TTBK2: variants seen among roughly 807,000 people sequenced by gnomAD.
TTBK2 encodes tau tubulin kinase 2, also known as tau-tubulin kinase 2.
Under a neutral mutation model 110.8 loss-of-function variants are expected in TTBK2, and 28 were observed. The observed-to-expected ratio is 0.25, with a 90% CI of 0.19 to 0.35. The LOEUF (loss-of-function observed/expected upper bound fraction) is 0.35, where lower values mean the gene tolerates loss of function less well. Among genes scored for constraint, TTBK2 ranks in the 10% least tolerant of loss-of-function variants. TTBK2 has a pLI of 1.00. For synonymous variants in TTBK2, 532 were observed against 527.3 expected (o/e 1.01, Z -0.12); for missense variants, 1,369 against 1,500.3 (o/e 0.91, Z 1.45).
intron 3 of TTBK2, among the ~76,000 whole-genome samples, chr15:42,870,122 C>T (rs1264175103): frequency 1.3e-5 from 2 of 151,650 alleles, no homozygotes; most frequent in South Asian, 2.1e-4. Flanking sequence ...TGCAGTGAGC[C>T]GATATTGTGC....
intron 11 of TTBK2, among the ~76,000 whole-genome samples, chr15:42,779,365 C>T (rs1335683869): frequency 1.3e-5 from 2 of 149,454 alleles, no homozygotes; most frequent in Admixed American, 6.7e-5. Flanking sequence ...GCTGAGATTG[C>T]GCCACTGCAC....
At chr15:42,761,826 A>G (rs1251243076) in intron 13 of TTBK2, among the ~76,000 whole-genome samples, 2 of 152,146 alleles carry the variant, frequency 1.3e-5, no homozygotes, top group Admixed American at 6.5e-5. Flanking sequence ...AGAAAAGAGA[A>G]CTCTCAAATA....
chr15:42,830,003 T>C lies in TTBK2; in HGVS notation c.367A>G (p.Arg123Gly). 1.2e-6 allele frequency: 2 copies of C among 1,614,136 alleles called. No individual in the cohort carries two copies. The highest frequency in any genetic ancestry group is 1.7e-6 in the Non-Finnish European group (2 of 1,180,020). ...CTTTCAATAGACTCCAAAATCTGTC[T>C]ACCCAGCCGGAGAGTGGTACTAATG... ...FTISTTLRLG[R>G]QILESIESIH... is the part of the protein sequence containing the mutation. The change falls in exon 5 of 15, where the codon AGA becomes GGA. Residue 123 changes from arginine (R) to glycine (G), a missense_variant. Physicochemically the swap from Arg to Gly is moderately radical, Grantham distance 125 (BLOSUM62 -2). Coordinates refer to ENST00000267890, the MANE Select transcript of TTBK2 (RefSeq NM_173500.4).
intron 5 of TTBK2, among the ~76,000 whole-genome samples, chr15:42,829,307 A>T (rs1892656119): frequency 6.6e-6 from 1 of 152,208 alleles, no homozygotes; most frequent in Non-Finnish European, 1.5e-5. Flanking sequence ...ACCCCACTAT[A>T]TTTCCACAGT....
chr15:42,891,516 C>T (rs1052750031), intron 1 of TTBK2, among the ~76,000 whole-genome samples: 1 of 151,208 alleles, frequency 6.6e-6, no homozygotes, highest in Non-Finnish European at 1.5e-5. Context: ...TTAAATTCAG[C>T]TGGATAAAAA....
chr15:42,741,227 A>C lies in TTBK2; in HGVS notation c.*4568T>G, dbSNP rs1005201586. The C allele has an allele frequency of 6.6e-6, 1 of 152,170 alleles. No individual in the cohort carries two copies. The highest frequency in any genetic ancestry group is 1.9e-4 in the East Asian group (1 of 5,206). The allele number at this position is 152,170 out of a possible 1,614,324, so 9.4% of individuals were successfully genotyped here. Reference sequence around the variant, plus strand: ...CACCAGAGTTCCACTGGGTGAGGACAGGGAAGTAGGATGTCCCAACACCCT... The same window carrying C: ...CACCAGAGTTCCACTGGGTGAGGACCGGGAAGTAGGATGTCCCAACACCCT... On this transcript the variant is annotated 3_prime_UTR_variant, in exon 15 of 15. Coordinates refer to ENST00000267890, the MANE Select transcript of TTBK2 (RefSeq NM_173500.4).
At chr15:42,893,960 G>A (rs1461316761) in intron 1 of TTBK2, among the ~76,000 whole-genome samples, 1 of 152,114 alleles carries the variant, frequency 6.6e-6, no homozygotes, top group Admixed American at 6.6e-5. Context: ...GGCATGATAT[G>A]GTTTGGCTGT....
chr15:42,831,668 T>C (rs1329306629), intron 4 of TTBK2, among the ~76,000 whole-genome samples: 1 of 152,176 alleles, frequency 6.6e-6, no homozygotes, highest in East Asian at 1.9e-4. Context: ...GCTCTTCTTT[T>C]ACAGTCCTCT....
chr15:42,914,741 A>G lies in TTBK2; in HGVS notation c.-68+5697T>C, dbSNP rs532264822. ...TTATTTTGTCATTATTTATTTAATT[A>G]TTTAACTAATTATAGGGATAATATA... On this transcript the variant is annotated intron_variant, in intron 1 of 14. Coordinates refer to ENST00000267890, the MANE Select transcript of TTBK2 (RefSeq NM_173500.4). 6.6e-5 allele frequency among the ~76,000 whole-genome samples: 10 copies of G among 152,320 alleles called. No homozygotes were observed. The South Asian group carries it at 2.1e-3, about 32-fold the overall frequency.
intron 1 of TTBK2, among the ~76,000 whole-genome samples, chr15:42,915,896 A>G (rs914467944): frequency 2.6e-5 from 4 of 151,990 alleles, no homozygotes; most frequent in Non-Finnish European, 4.4e-5. Flanking sequence ...GCAGTGAGCT[A>G]CGATCATGGC....
intron 12 of TTBK2, 96 bp from the exon 13 acceptor site, chr15:42,775,819 G>A: frequency 2.1e-6 from 2 of 968,314 alleles, no homozygotes; most frequent in South Asian, 1.8e-5. Context: ...ACACAAAGAT[G>A]AGAGAAAAAA....
chr15:42,746,112 G>C lies in TTBK2; in HGVS notation c.3418C>G (p.Pro1140Ala). Residue 1140 changes from proline (P) to alanine (A), a missense_variant, in exon 15 of 15, where the codon CCA (proline) becomes GCA (alanine). By Grantham distance (27) the Pro-to-Ala change is conservative. Around this residue, in one of 4 missense-constraint regions of TTBK2, gnomAD observed 1,097 missense variants for 1,114.7 expected, o/e 0.98. Coordinates refer to ENST00000267890, the MANE Select transcript of TTBK2 (RefSeq NM_173500.4). The part of the protein sequence containing the change: ...SPGSPHNPKT[P>A]PKSPVVPRRS... ...CGAGGGACAACTGGACTCTTGGGTG[G>C]TGTTTTTGGATTGTGAGGAGATCCT... 1 of 1,614,158 alleles carries C rather than the reference G, an allele frequency of 6.2e-7. No individual in the cohort carries two copies. The highest frequency in any genetic ancestry group is 1.1e-5 in the South Asian group (1 of 91,080).
intron 3 of TTBK2, among the ~76,000 whole-genome samples, chr15:42,841,786 A>G (rs1388931436): frequency 2.0e-5 from 3 of 152,212 alleles, no homozygotes; most frequent in African/African-American, 7.2e-5. Context: ...GTTTTTTACT[A>G]GAATTGGCAA....
chr15:42,843,244 T>C (rs1039959258), intron 3 of TTBK2, among the ~76,000 whole-genome samples: 1 of 152,190 alleles, frequency 6.6e-6, no homozygotes, highest in African/African-American at 2.4e-5. Flanking sequence ...TAGTTTACAG[T>C]TTAACTTTAA....
At chr15:42,873,415 CAGAG>C (rs1403254233) in intron 2 of TTBK2, among the ~76,000 whole-genome samples, 1 of 152,068 alleles carries the variant, frequency 6.6e-6, no homozygotes, top group African/African-American at 2.4e-5. Context: ...ACCTGGGTGA[CAGAG>C]AGAGACTCCA....
At chr15:42,750,604 A>G (rs1042915805) in intron 14 of TTBK2, among the ~76,000 whole-genome samples, 3 of 152,108 alleles carry the variant, frequency 2.0e-5, no homozygotes, top group African/African-American at 4.8e-5. Context: ...TAAACAGACA[A>G]TAAAGGGCCT....
At chr15:42,800,886 T>C (rs1357447808) in intron 9 of TTBK2, 2 of 630,778 alleles carry the variant, frequency 3.2e-6, no homozygotes, top group Non-Finnish European at 2.8e-6. Flanking sequence ...GGGTCTCCCG[T>C]TCCCTGTGTT....
chr15:42,897,273 C>T (rs72719486), intron 1 of TTBK2, among the ~76,000 whole-genome samples: 15,433 of 152,112 alleles, frequency 0.1, 1,095 homozygotes, highest in South Asian at 0.21. Flanking sequence ...ATTAGTAAGA[C>T]GTCCTGAGAG....
chr15:42,877,334 G>A (rs1894855167), intron 2 of TTBK2, among the ~76,000 whole-genome samples: 1 of 152,004 alleles, frequency 6.6e-6, no homozygotes, highest in African/African-American at 2.4e-5. Context: ...CAAATCTAAA[G>A]TCAGATCTAA....
Sources: gnomAD v4.1 joint callset for allele counts (sites outside exome capture counted in the v4.1 genomes callset) on GRCh38, gnomAD v4.1.1 for gene constraint, gnomAD v4.1.1 regional missense constraint, MANE v1.5 for transcripts, NCBI Gene and HGNC (gene_info 2026-07-23, HGNC 2026-07-21) for gene names.